Variants in CACNA2D1 observed in about 807,000 individuals in gnomAD.
CACNA2D1 encodes voltage-dependent calcium channel subunit alpha-2/delta-1.
A neutral mutation model predicts 171.5 loss-of-function variants in CACNA2D1; 53 were observed. The ratio of observed to expected loss-of-function variants is 0.31; its 90% CI spans 0.25 to 0.39. The LOEUF (loss-of-function observed/expected upper bound fraction) is 0.39. CACNA2D1 is among the 10% of genes least tolerant of loss of function. CACNA2D1 has a pLI of 1.00. For synonymous variants in CACNA2D1, 442 were observed against 443.1 expected (o/e 1.00, Z 0.03); for missense variants, 903 against 1,299.8 (o/e 0.69, Z 4.69).
At chr7:82,213,704 T>A (rs1272516518) in intron 3 of CACNA2D1, among the ~76,000 whole-genome samples, 1 of 152,172 alleles carries the variant, frequency 6.6e-6, no homozygotes, top group Non-Finnish European at 1.5e-5. Context: ...TCTGTCCTCA[T>A]CTTTTGTCAA....
chr7:82,148,027 T>A (rs977019108), intron 4 of CACNA2D1, among the ~76,000 whole-genome samples: 1 of 152,136 alleles, frequency 6.6e-6, no homozygotes, highest in African/African-American at 2.4e-5. Context: ...CAGATACAGA[T>A]AATATTAATA....
intron 12 of CACNA2D1, among the ~76,000 whole-genome samples, chr7:82,025,901 T>C (rs1801836432): frequency 1.3e-5 from 2 of 151,736 alleles, no homozygotes; most frequent in Admixed American, 1.3e-4. Flanking sequence ...CTAGTATTAT[T>C]GTATTGCTGC....
At chr7:82,345,869 A>T (rs934833748) in intron 2 of CACNA2D1, among the ~76,000 whole-genome samples, 3 of 152,222 alleles carry the variant, frequency 2.0e-5, no homozygotes, top group Admixed American at 6.5e-5. Context: ...GCTTTAATAC[A>T]TTTTTATATA....
At chr7:82,206,786 G>A (rs570758978) in intron 3 of CACNA2D1, among the ~76,000 whole-genome samples, 1 of 152,226 alleles carries the variant, frequency 6.6e-6, no homozygotes, top group South Asian at 2.1e-4. Flanking sequence ...AGGATATACA[G>A]TGAGAGATAT....
intron 1 of CACNA2D1, among the ~76,000 whole-genome samples, chr7:82,393,115 GAGGGAGGGAGGGAGGCAGGCAGGA>G (rs1825369817): frequency 1.1e-5 from 1 of 90,460 alleles, no homozygotes; most frequent in Non-Finnish European, 2.4e-5. Flanking sequence ...GGCAGGCAGG[GAGGGAGGGAGGGAGGCAGGCAGGA>G]AGGGAGGGAG....
intron 3 of CACNA2D1, among the ~76,000 whole-genome samples, chr7:82,191,541 A>G (rs1300052052): frequency 1.3e-5 from 2 of 151,786 alleles, no homozygotes; most frequent in African/African-American, 4.8e-5. Flanking sequence ...TTGCTTTGAC[A>G]ATTACCCCGT....
intron 6 of CACNA2D1, among the ~76,000 whole-genome samples, chr7:82,087,372 C>T (rs375014193): frequency 1.3e-5 from 2 of 152,098 alleles, no homozygotes; most frequent in East Asian, 1.9e-4. Flanking sequence ...TAACAACATG[C>T]ACATCGTGTT....
chr7:82,310,354 T>C (rs1814284478), intron 3 of CACNA2D1, among the ~76,000 whole-genome samples: 2 of 151,948 alleles, frequency 1.3e-5, no homozygotes, highest in South Asian at 4.1e-4. Flanking sequence ...GTTGAGAAAA[T>C]AATTTTGTCT....
chr7:81,970,777 A>G (rs764055169), intron 26 of CACNA2D1, 40 bp from the exon 27 acceptor site: 1 of 1,270,142 alleles, frequency 7.9e-7, no homozygotes. Context: ...TCTATTGAAC[A>G]TATTCTAAAA....
intron 1 of CACNA2D1, among the ~76,000 whole-genome samples, chr7:82,411,055 C>T (rs183573277): frequency 1.2e-3 from 177 of 152,222 alleles, no homozygotes; most frequent in African/African-American, 4.1e-3. Context: ...TTGAGAGAAG[C>T]AAGAGTTTTA....
At chr7:82,025,234 A>G (rs748054399) in intron 12 of CACNA2D1, among the ~76,000 whole-genome samples, 4 of 151,690 alleles carry the variant, frequency 2.6e-5, no homozygotes, top group Non-Finnish European at 5.9e-5. Flanking sequence ...CACTTTGGGT[A>G]CTATGGAAAT....
intron 26 of CACNA2D1, 152 bp downstream of exon 26, chr7:81,971,625 G>T: frequency 1.7e-6 from 1 of 604,242 alleles, no homozygotes. Flanking sequence ...AACTGAAAAT[G>T]CAAGTTGTCA....
At chr7:82,064,081 A>C (rs550474545) in intron 9 of CACNA2D1, among the ~76,000 whole-genome samples, 73 of 152,122 alleles carry the variant, frequency 4.8e-4, no homozygotes, top group Non-Finnish European at 1.0e-4. Context: ...ATGATATGTA[A>C]TATTAATATA....
chr7:82,107,724 C>CA (rs1787922176), intron 6 of CACNA2D1, among the ~76,000 whole-genome samples: 1 of 151,678 alleles, frequency 6.6e-6, no homozygotes, highest in African/African-American at 2.4e-5. Flanking sequence ...GCTGGGATTA[C>CA]AAGCACACAT....
At chr7:82,075,350 C>T (rs886435984) in intron 7 of CACNA2D1, among the ~76,000 whole-genome samples, 7 of 151,900 alleles carry the variant, frequency 4.6e-5, no homozygotes, top group Admixed American at 6.6e-5. Context: ...AGGGAAAAGT[C>T]GGGTAGTTAA....
chr7:82,367,731 T>C (rs563771733), intron 1 of CACNA2D1, among the ~76,000 whole-genome samples: 29 of 152,004 alleles, frequency 1.9e-4, no homozygotes, highest in Admixed American at 9.8e-4. Context: ...AGTAGTCAAA[T>C]TGGTATATTA....
At chr7:82,174,563 C>T (rs542732964) in intron 3 of CACNA2D1, among the ~76,000 whole-genome samples, 1 of 152,160 alleles carries the variant, frequency 6.6e-6, no homozygotes, top group South Asian at 2.1e-4. Context: ...GACTCCAAAG[C>T]TTATGCTCCT....
intron 4 of CACNA2D1, among the ~76,000 whole-genome samples, chr7:82,139,370 T>G (rs1412073891): frequency 6.6e-6 from 1 of 152,198 alleles, no homozygotes; most frequent in Non-Finnish European, 1.5e-5. Context: ...TTGATCCTGT[T>G]AAGAGCTATG....
chr7:82,374,871 C>T (rs947452889), intron 1 of CACNA2D1, among the ~76,000 whole-genome samples: 6 of 151,826 alleles, frequency 4.0e-5, no homozygotes, highest in East Asian at 1.9e-4. Context: ...CTGCTGACTA[C>T]GTGGCTCAGT....
Sources: allele counts gnomAD v4.1 joint callset (sites outside exome capture counted in the v4.1 genomes callset), GRCh38; gene constraint gnomAD v4.1.1; transcripts MANE v1.5; gene names NCBI Gene and HGNC (gene_info 2026-07-23, HGNC 2026-07-21).